Variants in ZNF428 observed in about 807,000 individuals in gnomAD.
ZNF428 encodes enzyme-like protein PIT13.
ZNF428 carries 5 observed loss-of-function variants against 15.6 expected under a neutral mutation model. That is an observed-to-expected ratio of 0.32 (90% confidence interval 0.17 to 0.67). ZNF428 has a LOEUF of 0.67. ZNF428 is among the 30% of genes least tolerant of loss of function. The pLI, the probability that ZNF428 is intolerant of heterozygous loss-of-function variation, is 0.73. For missense variants in ZNF428, 237 were observed against 256.0 expected, an observed-to-expected ratio of 0.93 and a Z score of 0.51; for synonymous variants, 97 against 102.2, an observed-to-expected ratio of 0.95 and a Z score of 0.31.
In ZNF428 at chr19:43,611,370, C is replaced by T. The variant is rs564996739; in HGVS notation, c.76+2859G>A. Among the ~76,000 whole-genome samples, 18 of 151,764 alleles carry T rather than the reference C, an allele frequency of 1.2e-4. No homozygotes were observed. The East Asian group carries it at 3.1e-3, about 26-fold the overall frequency. ...AGAGTCTCGCTGTCACCCAGGCTGG[C>T]GTGCAATGGCGTGATCTTGGCTCAC... On this transcript the variant is annotated intron_variant, in intron 2 of 2. Transcript: ENST00000300811.
At chr19:43,619,468 C>T (rs1252949735) in intron 1 of ZNF428, 90 bp downstream of exon 1, 2 of 152,276 alleles carry the variant, frequency 1.3e-5, no homozygotes, top group Admixed American at 1.3e-4. Flanking sequence ...GCCGGCTCCC[C>T]GGTGACGGGA....
At chr19:43,617,895 T>G (rs1428469588) in intron 1 of ZNF428, among the ~76,000 whole-genome samples, 2 of 152,114 alleles carry the variant, frequency 1.3e-5, no homozygotes, top group Non-Finnish European at 2.9e-5. Context: ...GGAGTGTCAC[T>G]CTGTCGCCCA....
chr19:43,609,824 C>T (rs886395112), intron 2 of ZNF428, among the ~76,000 whole-genome samples: 9 of 152,016 alleles, frequency 5.9e-5, no homozygotes, highest in African/African-American at 2.2e-4. Flanking sequence ...GGGGCGCACA[C>T]ACAGAGTAAT....
In ZNF428 at chr19:43,611,714, G is replaced by A. The variant is rs114869867; in HGVS notation, c.76+2515C>T. 6.7e-3 allele frequency among the ~76,000 whole-genome samples: 1,019 copies of A among 152,240 alleles called. 12 individuals carry two copies. The highest frequency in any genetic ancestry group is 0.023 in the African/African-American group (976 of 41,538). ...TGAAGTCCTCGCTGACTCCCCAAGC[G>A]GTCAGTGTCTCTCTCGTATGGGCTC... On this transcript the variant is annotated intron_variant, in intron 2 of 2. Coordinates refer to ENST00000300811, the MANE Select transcript of ZNF428 (RefSeq NM_182498.4).
chr19:43,618,168 G>C (rs572553348), intron 1 of ZNF428, among the ~76,000 whole-genome samples: 4 of 151,518 alleles, frequency 2.6e-5, no homozygotes, highest in Non-Finnish European at 4.4e-5. Context: ...CCGAGTAGCT[G>C]GGACTACAGG....
chr19:43,614,041 C>T (rs1973345011), intron 2 of ZNF428, 188 bp downstream of exon 2: 2 of 1,552,156 alleles, frequency 1.3e-6, no homozygotes, highest in Non-Finnish European at 1.7e-6. Flanking sequence ...AGGAGAGCGA[C>T]CCCAGTCAAT....
At position 43,607,459 on chromosome 19, in the gene ZNF428, C is replaced by G. The variant is rs1191988061; in HGVS notation, c.*158G>C. 6.7e-6 allele frequency: 6 copies of G among 894,410 alleles called. No individual in the cohort carries two copies. In the East Asian group the frequency reaches 1.6e-4, roughly 25 times the overall value. The allele number at this position is 894,410 out of a possible 1,614,324, so 55.4% of individuals were successfully genotyped here. On this transcript the variant is annotated 3_prime_UTR_variant, in exon 3 of 3. Transcript: ENST00000300811. This position sits in a 1 kb window ranked among gnomAD's most constrained non-coding sequence, Gnocchi z 5.1. ...CACTCTGAACCAACACACACAGATA[C>G]AGATTTTGGCTTTTATTCTGGCCAT...
rs1038861849 is a variant in ZNF428 at position 43,607,519 on chromosome 19, G to C, written c.*98C>G. The stretch of plus-strand genomic sequence containing the variant: ...ACTTCTAAGACAACACAGACCGGCA[G>C]TACCCCATCCCCCATGACCACTGTC... On this transcript the variant is annotated 3_prime_UTR_variant, in exon 3 of 3. Transcript: ENST00000300811. The surrounding 1 kb of genome is among the most constrained non-coding windows in gnomAD (Gnocchi z 5.1). The C allele has an allele frequency of 1.1e-5, 15 of 1,413,022 alleles. No individual in the cohort carries two copies. The Admixed American group carries it at 1.7e-4, about 16-fold the overall frequency. The allele number at this position is 1,413,022 out of a possible 1,614,324, so 87.5% of individuals were successfully genotyped here. A position where few individuals can be genotyped will look rare whatever the true frequency, so the allele number is the denominator to read the frequency against.
intron 2 of ZNF428, chr19:43,613,777 C>T (rs755892279): frequency 6.9e-5 from 107 of 1,549,622 alleles, no homozygotes; most frequent in South Asian, 3.9e-4. Context: ...GAAGCCCCAG[C>T]GAGGAGAGAG....
Position 43,612,639 on chromosome 19 carries a change from A to G in ZNF428, c.76+1590T>C, listed in dbSNP as rs372603523. On this transcript the variant is annotated intron_variant, in intron 2 of 2. Coordinates refer to ENST00000300811, the MANE Select transcript of ZNF428 (RefSeq NM_182498.4). The surrounding 1 kb of genome is among the most constrained non-coding windows in gnomAD (Gnocchi z 4.2). ...CAAAAAGGGAGCCGGGGAAAGAGTT[A>G]CGGCCGGCCTAGAACCAGCAACAGG... 1.8e-4 allele frequency: 286 copies of G among 1,551,226 alleles called. No individual in the cohort carries two copies. The highest frequency in any genetic ancestry group is 1.9e-4 in the Non-Finnish European group (220 of 1,146,862).
chr19:43,611,318 C>T (rs1284562179), intron 2 of ZNF428, among the ~76,000 whole-genome samples: 2 of 152,026 alleles, frequency 1.3e-5, no homozygotes, highest in South Asian at 2.1e-4. Context: ...ACCTGGTTGA[C>T]CCGTTCATTT....
At chr19:43,615,510 G>A (rs1973363468) in intron 1 of ZNF428, among the ~76,000 whole-genome samples, 1 of 151,582 alleles carries the variant, frequency 6.6e-6, no homozygotes, top group Non-Finnish European at 1.5e-5. Flanking sequence ...CACCAGCCTA[G>A]GCAACATGGC....
chr19:43,617,960 C>T (rs1481334234), intron 1 of ZNF428, among the ~76,000 whole-genome samples: 1 of 149,668 alleles, frequency 6.7e-6, no homozygotes, highest in Middle Eastern at 3.2e-3. Flanking sequence ...CTCCTGGGTT[C>T]AAGCGATTAT....
In ZNF428 at chr19:43,607,372, TACACACACACACACACACACACAA is replaced by T. The variant is rs1173222518; in HGVS notation, c.*221_*244del. 153 of 419,726 alleles carry T rather than the reference TACACACACACACACACACACACAA, an allele frequency of 3.6e-4. 1 individual carries two copies. The highest frequency in any genetic ancestry group is 3.0e-4 in the Admixed American group (7 of 23,330). The allele number at this position is 419,726 out of a possible 1,614,324, so 26.0% of individuals were successfully genotyped here. On this transcript the variant is annotated 3_prime_UTR_variant, in exon 3 of 3. Transcript: ENST00000300811. The surrounding 1 kb of genome is among the most constrained non-coding windows in gnomAD (Gnocchi z 5.1). ...TCCCCAAGAAGGAGCCCAGGGGGAA[TACACACACACACACACACACACAA>T]ACACACACACGGGCGGGAATACACA... is the stretch of plus-strand genomic sequence containing the variant.
chr19:43,608,107 C>T lies in ZNF428; in HGVS notation c.77G>A (p.Gly26Asp). The T allele has an allele frequency of 1.2e-6, 2 of 1,610,296 alleles. No homozygotes were observed. The highest frequency in any genetic ancestry group is 3.3e-5 in the Admixed American group (2 of 59,816). The change falls in exon 3 of 3, where the codon GGC becomes GAC. Residue 26 changes from glycine to aspartate, a missense_variant and splice_region_variant. Gly to Asp is a moderately conservative substitution (Grantham distance 94, BLOSUM62 -1). Coordinates refer to ENST00000300811, the MANE Select transcript of ZNF428 (RefSeq NM_182498.4). ...LEEDDEDLSP[G>D]PEHSSDSEYT... ...TTCTGAATCAGAGGAATGCTCGGGG[C>T]CTGGAGGGGGACAGACAGGGGAAGA... is the stretch of plus-strand genomic sequence containing the variant.
chr19:43,607,892 G>A lies in ZNF428; in HGVS notation c.292C>T (p.Arg98Cys), dbSNP rs988622058. 1.4e-5 allele frequency: 22 copies of A among 1,560,982 alleles called. No homozygotes were observed. In the East Asian group the frequency reaches 1.9e-4, roughly 14 times the overall value. Residue 98 changes from arginine (R) to cysteine (C), a missense_variant, in exon 3 of 3, where the codon CGC (arginine) becomes TGC (cysteine). Coordinates refer to ENST00000300811, the MANE Select transcript of ZNF428 (RefSeq NM_182498.4). This position sits in a 1 kb window ranked among gnomAD's most constrained non-coding sequence, Gnocchi z 5.1. ...PPAQPCQLCG[R>C]SPLGEAPPGT... ...GGTGGGGCCTCCCCAAGGGGTGAGC[G>A]GCCACAGAGCTGGCAAGGCTGGGCC... is the stretch of plus-strand genomic sequence containing the variant.
Position 43,607,555 on chromosome 19 carries a change from T to A in ZNF428, c.*62A>T. The A allele has an allele frequency of 2.0e-6, 3 of 1,490,064 alleles. No individual in the cohort carries two copies. The highest frequency in any genetic ancestry group is 1.4e-5 in the African/African-American group (1 of 70,180). 92.3% of individuals were successfully genotyped at this position (1,490,064 alleles called of 1,614,324 possible). On this transcript the variant is annotated 3_prime_UTR_variant, in exon 3 of 3. Transcript: ENST00000300811. The surrounding 1 kb of genome is among the most constrained non-coding windows in gnomAD (Gnocchi z 5.1). ...CCCATGACCACTGTCACAACCCCAA[T>A]TTCCTCAGCCCCCTCCTCCCACCCC...
chr19:43,617,430 A>G (rs1973382758), intron 1 of ZNF428, among the ~76,000 whole-genome samples: 1 of 152,226 alleles, frequency 6.6e-6, no homozygotes, highest in Non-Finnish European at 1.5e-5. Flanking sequence ...TCTGGATGTC[A>G]AGTTTAATGC....
chr19:43,613,884 G>A (rs773600878), intron 2 of ZNF428: 3 of 1,551,268 alleles, frequency 1.9e-6, no homozygotes, highest in East Asian at 2.4e-5. Context: ...AGAAGCTCCA[G>A]CGAGGAGAGA....
Sources: allele counts gnomAD v4.1 joint callset (sites outside exome capture counted in the v4.1 genomes callset), GRCh38; gene constraint gnomAD v4.1.1; non-coding constraint Gnocchi (gnomAD v3.1); transcripts MANE v1.5; gene names NCBI Gene and HGNC (gene_info 2026-07-23, HGNC 2026-07-21).